Variants in CDH22 observed in about 807,000 individuals in gnomAD.
CDH22 encodes the protein cadherin-22.
In CDH22, 30 loss-of-function variants were observed where a neutral mutation model predicts 58.4. The observed-to-expected ratio is 0.51, with a 90% CI of 0.38 to 0.70. CDH22 has a LOEUF of 0.70. Among genes scored for constraint, CDH22 ranks in the 30% least tolerant of loss-of-function variants. The pLI is 0.00. For synonymous variants in CDH22, 513 were observed against 558.2 expected, an observed-to-expected ratio of 0.92 and a Z score of 1.14; for missense variants, 1,014 against 1,233.9, an observed-to-expected ratio of 0.82 and a Z score of 2.67.
chr20:46,181,970 C>T lies in CDH22; in HGVS notation c.1664-3773G>A, dbSNP rs1425955121. 3.3e-5 allele frequency among the ~76,000 whole-genome samples: 5 copies of T among 151,674 alleles called. No homozygotes were observed. In the South Asian group the frequency reaches 6.3e-4, roughly 19 times the overall value. ...GAGCTGGGATTACAGGCGTCTGCCA[C>T]CACGCCTGGCTAATTTTTGTACTTT... On this transcript the variant is annotated intron_variant, in intron 10 of 11. Transcript: ENST00000537909.
At chr20:46,183,157 A>G (rs2085801048) in intron 10 of CDH22, among the ~76,000 whole-genome samples, 1 of 152,204 alleles carries the variant, frequency 6.6e-6, no homozygotes, top group Non-Finnish European at 1.5e-5. Context: ...ACTAATGAAT[A>G]GGCAGGGCTG....
chr20:46,245,372 A>G (rs1254128507), intron 2 of CDH22, among the ~76,000 whole-genome samples: 1 of 151,576 alleles, frequency 6.6e-6, no homozygotes, highest in African/African-American at 2.4e-5. Flanking sequence ...TCTACTCCAC[A>G]CCCTCCTCTA....
intron 7 of CDH22, among the ~76,000 whole-genome samples, chr20:46,207,234 T>C (rs1399912356): frequency 6.6e-6 from 1 of 152,124 alleles, no homozygotes; most frequent in African/African-American, 2.4e-5. Context: ...GGTTTCAAAG[T>C]TGGCCCTTTC....
At chr20:46,185,966 A>C (rs1307323022) in intron 10 of CDH22, among the ~76,000 whole-genome samples, 1 of 150,474 alleles carries the variant, frequency 6.6e-6, no homozygotes, top group African/African-American at 2.5e-5. Flanking sequence ...TAATCCCAGC[A>C]CTTTGGGAGG....
intron 4 of CDH22, 111 bp downstream of exon 4, chr20:46,227,397 T>C: frequency 9.1e-7 from 1 of 1,100,138 alleles, no homozygotes; most frequent in Non-Finnish European, 1.3e-6. Flanking sequence ...TGTGCTGTCC[T>C]CAGAGCTTCT....
intron 2 of CDH22, 122 bp downstream of exon 2, chr20:46,250,918 G>T: frequency 3.1e-6 from 2 of 636,562 alleles, no homozygotes; most frequent in East Asian, 3.2e-5. Context: ...TCCTTGGCTA[G>T]GGAGCAGAAG....
intron 3 of CDH22, among the ~76,000 whole-genome samples, chr20:46,230,973 G>T (rs1009132787): frequency 6.6e-6 from 1 of 152,204 alleles, no homozygotes; most frequent in Non-Finnish European, 1.5e-5. Context: ...GCTGCTTGGA[G>T]TAGAAGTAGA....
At chr20:46,219,575 G>A (rs568362215) in intron 4 of CDH22, among the ~76,000 whole-genome samples, 71 of 152,252 alleles carry the variant, frequency 4.7e-4, no homozygotes, top group Middle Eastern at 3.4e-3. Context: ...ACTAACCGTC[G>A]CCTTAGTTCC....
intron 1 of CDH22, among the ~76,000 whole-genome samples, chr20:46,264,731 A>T (rs2086449889): frequency 6.6e-6 from 1 of 152,042 alleles, no homozygotes; most frequent in Non-Finnish European, 1.5e-5. Flanking sequence ...TCCTTCCCCC[A>T]CGCTACTTGA....
intron 1 of CDH22, among the ~76,000 whole-genome samples, chr20:46,306,140 C>T (rs1264103949): frequency 6.6e-6 from 1 of 152,268 alleles, no homozygotes; most frequent in African/African-American, 2.4e-5. Flanking sequence ...GGGGGTCTAA[C>T]TTGAACACCT....
At position 46,251,001 on chromosome 20, in the gene CDH22, G is replaced by T. The variant is rs369706118; in HGVS notation, c.255+39C>A. 18 of 1,313,200 alleles carry T rather than the reference G, an allele frequency of 1.4e-5. No homozygotes were observed. The highest frequency in any genetic ancestry group is 1.9e-5 in the Non-Finnish European group (17 of 911,798). 81.3% of individuals were successfully genotyped at this position (1,313,200 alleles called of 1,614,324 possible). ...TGTATCTACCCGTGGGTGTCCCCAG[G>T]GTCCTGGGATCTGGAGTTGGAGTGG... On this transcript the variant is annotated intron_variant, in intron 2 of 11. Transcript: ENST00000537909. This position sits in a 1 kb window ranked among gnomAD's most constrained non-coding sequence, Gnocchi z 6.7.
chr20:46,201,105 C>A (rs2085958066), intron 7 of CDH22, among the ~76,000 whole-genome samples: 1 of 152,244 alleles, frequency 6.6e-6, no homozygotes, highest in South Asian at 2.1e-4. Context: ...AGAGAGGCCT[C>A]GCCAGCTCCG....
Position 46,250,980 on chromosome 20 carries a change from T to G in CDH22, c.255+60A>C. 3 of 1,010,284 alleles carry G rather than the reference T, an allele frequency of 3.0e-6. No individual in the cohort carries two copies. The South Asian group carries it at 3.9e-5, about 13-fold the overall frequency. The allele number at this position is 1,010,284 out of a possible 1,614,324, so 62.6% of individuals were successfully genotyped here. On this transcript the variant is annotated intron_variant, in intron 2 of 11. Transcript: ENST00000537909. ...GGCAGGTGAACAAGGGTTTCTTGTA[T>G]CTACCCGTGGGTGTCCCCAGGGTCC...
At chr20:46,198,404 C>G (rs1386830091) in intron 8 of CDH22, among the ~76,000 whole-genome samples, 1 of 151,886 alleles carries the variant, frequency 6.6e-6, no homozygotes, top group African/African-American at 2.4e-5. Context: ...CCCGGGACAT[C>G]AGCCCATGAG....
Position 46,174,512 on chromosome 20 carries a change from G to A in CDH22, c.2481C>T (p.Ala827=), listed in dbSNP as rs1324127476. Residue 827 remains alanine, a synonymous_variant, in exon 12 of 12, where the codon GCC becomes GCT. Transcript: ENST00000537909. The surrounding 1 kb of genome is among the most constrained non-coding windows in gnomAD (Gnocchi z 4.4). ...AGHRGDDEAQ[A]S ...CCGACGGCAGGGCGAGGGGCTAGGA[G>A]GCCTGGGCCTCGTCGTCCCCGCGGT... 12 of 1,511,594 alleles carry A rather than the reference G, an allele frequency of 7.9e-6. No individual in the cohort carries two copies. The highest frequency in any genetic ancestry group is 2.2e-4 in the Middle Eastern group (1 of 4,598). The allele number at this position is 1,511,594 out of a possible 1,614,324, so 93.6% of individuals were successfully genotyped here. A position where few individuals can be genotyped will look rare whatever the true frequency, so the allele number is the denominator to read the frequency against.
intron 10 of CDH22, among the ~76,000 whole-genome samples, chr20:46,182,431 A>C (rs1051085914): frequency 6.6e-6 from 1 of 152,248 alleles, no homozygotes; most frequent in Non-Finnish European, 1.5e-5. Context: ...ACAGAGAAGT[A>C]GGCAGATTTG....
chr20:46,307,097 AG>A (rs1048982603), intron 1 of CDH22, among the ~76,000 whole-genome samples: 7 of 152,204 alleles, frequency 4.6e-5, no homozygotes, highest in African/African-American at 1.7e-4. Flanking sequence ...TGCTGGAATC[AG>A]CCCCACGGAA....
Position 46,300,590 on chromosome 20 carries a change from G to C in CDH22, c.-400+7665C>G, listed in dbSNP as rs2086647117. On this transcript the variant is annotated intron_variant, in intron 1 of 11. Coordinates refer to ENST00000537909, the MANE Select transcript of CDH22 (RefSeq NM_021248.3). The surrounding 1 kb of genome is among the most constrained non-coding windows in gnomAD (Gnocchi z 4.4). The stretch of plus-strand genomic sequence containing the variant: ...CTACGGTGACAACAAAGAATATGGG[G>C]CGGGGCTTTCTGCTTTTTTGACTCG... Among the ~76,000 whole-genome samples, 1 of 152,216 alleles carries C rather than the reference G, an allele frequency of 6.6e-6. No individual in the cohort carries two copies. Among genetic ancestry groups the C allele is most frequent in the Non-Finnish European group, 1.5e-5 (1 of 68,048 alleles).
intron 2 of CDH22, among the ~76,000 whole-genome samples, chr20:46,246,136 G>T (rs2086326961): frequency 6.6e-6 from 1 of 152,212 alleles, no homozygotes; most frequent in South Asian, 2.1e-4. Flanking sequence ...AATTAAATGT[G>T]AGCATAGGTA....
Sources: allele counts gnomAD v4.1 joint callset (sites outside exome capture counted in the v4.1 genomes callset), GRCh38; gene constraint gnomAD v4.1.1; non-coding constraint Gnocchi (gnomAD v3.1); transcripts MANE v1.5; gene names NCBI Gene and HGNC (gene_info 2026-07-23, HGNC 2026-07-21).